The following UBE2Q2 variants were observed in gnomAD, a reference collection of about 807,000 sequenced individuals.
UBE2Q2 encodes ubiquitin-conjugating enzyme E2 Q2.
Under a neutral mutation model 59.9 loss-of-function variants are expected in UBE2Q2, and 54 were observed. The observed-to-expected ratio is 0.90, with a 90% CI of 0.72 to 1.13. The LOEUF (loss-of-function observed/expected upper bound fraction) is 1.13. Among genes scored for constraint, UBE2Q2 ranks in the 50% most tolerant of loss-of-function variants. The probability of loss-of-function intolerance (pLI) is 0.00; values close to 1 mark genes in which losing one functional copy is unlikely to be tolerated. For synonymous variants in UBE2Q2, 165 were observed against 155.2 expected, an observed-to-expected ratio of 1.06 and a Z score of -0.47; for missense variants, 433 against 441.9, an observed-to-expected ratio of 0.98 and a Z score of 0.18.
At chr15:75,872,160 G>A (rs957500352) in intron 4 of UBE2Q2, among the ~76,000 whole-genome samples, 4 of 151,964 alleles carry the variant, frequency 2.6e-5, no homozygotes, top group African/African-American at 7.3e-5. Context: ...CCGGGGAGGT[G>A]AAGGCTGCAG....
rs1190630962 is a variant in UBE2Q2 at position 75,854,300 on chromosome 15, C to A, written c.181-86C>A. On this transcript the variant is annotated intron_variant, in intron 1 of 12. Coordinates refer to ENST00000267938, the MANE Select transcript of UBE2Q2 (RefSeq NM_173469.4). ...CATACATTTTGTTTAAATCCATGGT[C>A]ATCTTGCCGTTTAGTGGTGTGGTTT... The A allele has an allele frequency of 2.0e-5, 20 of 982,556 alleles. 1 individual carries two copies. Among genetic ancestry groups the A allele is most frequent in the Non-Finnish European group, 3.0e-5 (20 of 669,852 alleles). 60.9% of individuals were successfully genotyped at this position (982,556 alleles called of 1,614,324 possible).
At chr15:75,862,002 G>C (rs553181530) in intron 3 of UBE2Q2, among the ~76,000 whole-genome samples, 2 of 152,194 alleles carry the variant, frequency 1.3e-5, no homozygotes, top group East Asian at 1.9e-4. Flanking sequence ...TCATCCTCTC[G>C]GGCCTCTTCA....
At chr15:75,899,105 CAAAAAAAAA>C (rs34292081) in intron 12 of UBE2Q2, among the ~76,000 whole-genome samples, 2 of 111,080 alleles carry the variant, frequency 1.8e-5, no homozygotes, top group East Asian at 2.6e-4. Flanking sequence ...TACTAAATAC[CAAAAAAAAA>C]AAAAAAAAAA....
At chr15:75,865,357 A>G (rs532896295) in intron 3 of UBE2Q2, among the ~76,000 whole-genome samples, 1 of 152,272 alleles carries the variant, frequency 6.6e-6, no homozygotes, top group African/African-American at 2.4e-5. Flanking sequence ...GTGTGTAGCT[A>G]TAGTTCTTTT....
chr15:75,885,262 C>T (rs548617250), intron 9 of UBE2Q2, among the ~76,000 whole-genome samples: 11 of 152,022 alleles, frequency 7.2e-5, no homozygotes, highest in East Asian at 3.9e-4. Context: ...GGACTACAGG[C>T]GTGCGCCACC....
intron 9 of UBE2Q2, among the ~76,000 whole-genome samples, chr15:75,886,293 T>C (rs1309036785): frequency 6.6e-6 from 1 of 152,074 alleles, no homozygotes; most frequent in Non-Finnish European, 1.5e-5. Context: ...CTAATTTTTG[T>C]ATTTTTAGTA....
At chr15:75,887,405 A>G (rs769755831) in intron 9 of UBE2Q2, among the ~76,000 whole-genome samples, 2 of 152,162 alleles carry the variant, frequency 1.3e-5, no homozygotes, top group Non-Finnish European at 2.9e-5. Context: ...GGTGAAAAGT[A>G]AACACAATCA....
intron 6 of UBE2Q2, 127 bp downstream of exon 6, chr15:75,876,398 A>G: frequency 1.2e-6 from 1 of 810,252 alleles, no homozygotes; most frequent in Non-Finnish European, 1.8e-6. Context: ...CAGGAATGTG[A>G]AACTCAAATG....
At chr15:75,844,129 C>T (rs1305117440) in intron 1 of UBE2Q2, 3 of 1,414,252 alleles carry the variant, frequency 2.1e-6, no homozygotes, top group South Asian at 1.5e-5. Context: ...GGGGGGAGTC[C>T]GCGGCGGCCC....
At chr15:75,871,684 G>A (rs184608740) in intron 4 of UBE2Q2, among the ~76,000 whole-genome samples, 8 of 152,282 alleles carry the variant, frequency 5.3e-5, no homozygotes, top group Admixed American at 5.2e-4. Flanking sequence ...GAGAGCATGG[G>A]GTTGGGGGTA....
Position 75,843,643 on chromosome 15 carries a change from C to T in UBE2Q2, c.-24C>T, listed in dbSNP as rs935016909. On this transcript the variant is annotated 5_prime_UTR_variant, in exon 1 of 13. Coordinates refer to ENST00000267938, the MANE Select transcript of UBE2Q2 (RefSeq NM_173469.4). ...CCGCGCCCGGCTCCCCTTCCGCGCC[C>T]CTCCCGCCGGAGATGAGGGGAAGAT... 2.5e-6 allele frequency: 4 copies of T among 1,573,184 alleles called. No individual in the cohort carries two copies. Among genetic ancestry groups the T allele is most frequent in the African/African-American group, 2.8e-5 (2 of 70,510 alleles).
intron 4 of UBE2Q2, among the ~76,000 whole-genome samples, chr15:75,869,746 T>C (rs909505453): frequency 2.0e-5 from 3 of 152,334 alleles, no homozygotes; most frequent in Middle Eastern, 3.4e-3. Context: ...AACACCTGCA[T>C]TTTGGAGGGA....
rs1567035038 is a variant in UBE2Q2, at chr15:75,879,139, T to C, written c.776T>C (p.Leu259Ser). The change falls in exon 8 of 13, where the codon TTA becomes TCA. Residue 259 changes from leucine to serine, a missense_variant. By Grantham distance (145) the Leu-to-Ser change is moderately radical (BLOSUM62 -2). Transcript: ENST00000267938. ...CCTTTGCACAGTGATCTTCAGATCT[T>C]AAAAGAAAAAGAAGGCATAGAATAT... ...DSPLHSDLQI[L>S]KEKEGIEYIL... The C allele has an allele frequency of 6.2e-7, 1 of 1,602,360 alleles. No individual in the cohort carries two copies. Among genetic ancestry groups the C allele is most frequent in the Non-Finnish European group, 8.5e-7 (1 of 1,174,988 alleles).
intron 9 of UBE2Q2, among the ~76,000 whole-genome samples, chr15:75,885,952 A>G (rs1278476591): frequency 6.6e-6 from 1 of 152,208 alleles, no homozygotes; most frequent in Non-Finnish European, 1.5e-5. Flanking sequence ...TTACATATAC[A>G]AAATAAACAC....
Position 75,897,026 on chromosome 15 carries a change from C to A in UBE2Q2, c.1061C>A (p.Ser354Tyr). ...TATAATCTAGCAAGAGCCCAACAAT[C>A]CTATAATTCCATTGTACAGATACAT... ...NQYNLARAQQ[S>Y]YNSIVQIHEK... The change falls in exon 12 of 13, where the codon TCC (serine) becomes TAC (tyrosine). Residue 354 changes from serine to tyrosine, a missense_variant. By Grantham distance (144) the Ser-to-Tyr change is moderately radical (BLOSUM62 -2). Coordinates refer to ENST00000267938, the MANE Select transcript of UBE2Q2 (RefSeq NM_173469.4). 1 of 1,573,004 alleles carries A rather than the reference C, an allele frequency of 6.4e-7. No homozygotes were observed. The highest frequency in any genetic ancestry group is 8.6e-7 in the Non-Finnish European group (1 of 1,157,148).
At chr15:75,873,076 G>A (rs1897882354) in intron 4 of UBE2Q2, among the ~76,000 whole-genome samples, 1 of 152,176 alleles carries the variant, frequency 6.6e-6, no homozygotes, top group Non-Finnish European at 1.5e-5. Context: ...TCTAGAAGTT[G>A]AGTTTCTGGA....
chr15:75,878,147 T>A, intron 7 of UBE2Q2, 126 bp downstream of exon 7: 1 of 712,838 alleles, frequency 1.4e-6, no homozygotes, highest in South Asian at 2.4e-5. Context: ...TTTGTTTCTA[T>A]AGAAATAGTT....
chr15:75,849,473 A>G (rs1478721753), intron 1 of UBE2Q2, among the ~76,000 whole-genome samples: 5 of 152,196 alleles, frequency 3.3e-5, no homozygotes, highest in Non-Finnish European at 7.3e-5. Context: ...AGAGCCACAC[A>G]ATGGTCTCAG....
chr15:75,899,785 G>A lies in UBE2Q2; in HGVS notation c.*327G>A, dbSNP rs567274910. 6.1e-4 allele frequency: 112 copies of A among 182,376 alleles called. No homozygotes were observed. Among genetic ancestry groups the A allele is most frequent in the Non-Finnish European group, 8.7e-4 (77 of 88,158 alleles). The allele number at this position is 182,376 out of a possible 1,614,324, so 11.3% of individuals were successfully genotyped here. A position where few individuals can be genotyped will look rare whatever the true frequency, so the allele number is the denominator to read the frequency against. ...TCAGGCTACTGAAGTTGAGGCTTTA[G>A]GGTAACTTTCCTATATTGAGCCCAT... On this transcript the variant is annotated 3_prime_UTR_variant, in exon 13 of 13. Transcript: ENST00000267938.
Sources: allele counts gnomAD v4.1 joint callset (sites outside exome capture counted in the v4.1 genomes callset), GRCh38; gene constraint gnomAD v4.1.1; transcripts MANE v1.5; gene names NCBI Gene and HGNC (gene_info 2026-07-23, HGNC 2026-07-21).